Variants in KANK2 observed in about 807,000 individuals in gnomAD.
The protein encoded by KANK2 is KN motif and ankyrin repeat domains 2.
A neutral mutation model predicts 74.6 loss-of-function variants in KANK2; 41 were observed. That is an observed-to-expected ratio of 0.55 (90% CI 0.43 to 0.71). The LOEUF is 0.71. KANK2 is among the 30% of genes least tolerant of loss of function. The probability of loss-of-function intolerance (pLI) is 0.00; values close to 1 mark genes in which losing one functional copy is unlikely to be tolerated. For missense variants in KANK2, 1,148 were observed against 1,196.4 expected, an observed-to-expected ratio of 0.96 and a Z score of 0.60; for synonymous variants, 537 against 519.0, an observed-to-expected ratio of 1.03 and a Z score of -0.47.
At chr19:11,167,226 C>T (rs921244265) in intron 12 of KANK2, among the ~76,000 whole-genome samples, 7 of 151,964 alleles carry the variant, frequency 4.6e-5, no homozygotes, top group African/African-American at 7.3e-5. Context: ...CCACCACGCC[C>T]GGCTAATTTT....
rs776628507 is a variant in KANK2, at chr19:11,194,008, A to G, written c.72T>C (p.Pro24=). The G allele has an allele frequency of 3.7e-6, 6 of 1,611,694 alleles. No individual in the cohort carries two copies. The Admixed American group carries it at 8.4e-5, about 22-fold the overall frequency. The change falls in exon 4 of 13, where the codon CCT becomes CCC. Residue 24 remains proline (P), a synonymous_variant. Coordinates refer to ENST00000586659, the MANE Select transcript of KANK2 (RefSeq NM_001136191.3). ...TPGPASPPAF[P]AKDPDPPYSV... ...AGTAGGGTGGATCGGGGTCCTTGGC[A>G]GGGAAGGCAGGTGGGGAGGCTGGGC... is the stretch of plus-strand genomic sequence containing the variant.
rs1217915971 is a variant in KANK2 at position 11,195,776 on chromosome 19, CCT to C, written c.-236_-235del. The C allele has an allele frequency of 1.3e-5, 2 of 152,308 alleles. No individual in the cohort carries two copies. Among genetic ancestry groups the C allele is most frequent in the African/African-American group, 2.4e-5 (1 of 41,428 alleles). The allele number at this position is 152,308 out of a possible 1,614,324, so 9.4% of individuals were successfully genotyped here. ...CTGCGTCTCTCTCCGTGTCTCTCTC[CCT>C]GTCTTTCCACGTCTCTGTCTTCGCT... On this transcript the variant is annotated 5_prime_UTR_variant, in exon 2 of 13. Coordinates refer to ENST00000586659, the MANE Select transcript of KANK2 (RefSeq NM_001136191.3).
intron 4 of KANK2, chr19:11,192,405 G>A (rs984042769): frequency 1.3e-4 from 35 of 266,538 alleles, no homozygotes; most frequent in Admixed American, 4.0e-4. Context: ...GTGGAAGGTC[G>A]GGGGCTGGGG....
At chr19:11,173,322 C>T (rs2078232948) in intron 9 of KANK2, among the ~76,000 whole-genome samples, 199 bp from the exon 10 acceptor site, 1 of 152,180 alleles carries the variant, frequency 6.6e-6, no homozygotes, top group Non-Finnish European at 1.5e-5. Context: ...CCTCCTCCAT[C>T]AGATTTGGGG....
At chr19:11,182,965 G>A (rs1171366970) in intron 4 of KANK2, among the ~76,000 whole-genome samples, 3 of 151,964 alleles carry the variant, frequency 2.0e-5, no homozygotes, top group Admixed American at 6.6e-5. Flanking sequence ...TCCAGTCTAA[G>A]GAATTGAAGG....
intron 4 of KANK2, among the ~76,000 whole-genome samples, chr19:11,183,974 A>C (rs2078603022): frequency 6.6e-6 from 1 of 152,138 alleles, no homozygotes; most frequent in African/African-American, 2.4e-5. Flanking sequence ...TTCCCACCAA[A>C]GTGTTGAGAT....
In KANK2 at chr19:11,194,401, A is replaced by T; in HGVS notation, c.37+74T>A. The stretch of plus-strand genomic sequence containing the variant: ...GTCCCACCCTCAAAGTCCCCAGGGC[A>T]AGGTCCCCAGCCCCCTCAGGCCTCC... On this transcript the variant is annotated intron_variant, in intron 3 of 12. Transcript: ENST00000586659. The T allele has an allele frequency of 2.4e-6, 3 of 1,229,446 alleles. No individual in the cohort carries two copies. The South Asian group carries it at 3.6e-5, about 15-fold the overall frequency. The allele number at this position is 1,229,446 out of a possible 1,614,324, so 76.2% of individuals were successfully genotyped here. A position where few individuals can be genotyped will look rare whatever the true frequency, so the allele number is the denominator to read the frequency against.
At position 11,169,909 on chromosome 19, in the gene KANK2, T is replaced by A; in HGVS notation, c.2470A>T (p.Met824Leu). The A allele has an allele frequency of 6.2e-7, 1 of 1,614,208 alleles. No homozygotes were observed. The highest frequency in any genetic ancestry group is 8.5e-7 in the Non-Finnish European group (1 of 1,180,036). ...LDAGQSEIAS[M>L]LYSRMNIKCS... ...TTGATGTTCATGCGGGAATACAGCA[T>A]GGACGCAATCTCACTCTGCCCTGCG... Residue 824 changes from methionine (M) to leucine (L), a missense_variant, in exon 12 of 13, where the codon ATG becomes TTG. Physicochemically the swap from Met to Leu is conservative, Grantham distance 15. Coordinates refer to ENST00000586659, the MANE Select transcript of KANK2 (RefSeq NM_001136191.3).
At chr19:11,186,687 G>A (rs981145330) in intron 4 of KANK2, among the ~76,000 whole-genome samples, 4 of 151,840 alleles carry the variant, frequency 2.6e-5, no homozygotes, top group African/African-American at 7.3e-5. Flanking sequence ...CAACAGGAGT[G>A]AAACTCTGTC....
At chr19:11,172,816 C>T (rs2078214773) in intron 10 of KANK2, among the ~76,000 whole-genome samples, 165 bp downstream of exon 10, 2 of 152,172 alleles carry the variant, frequency 1.3e-5, no homozygotes, top group Non-Finnish European at 2.9e-5. Context: ...CCCTCATATC[C>T]TCTACTCCTT....
At chr19:11,195,587 T>C (rs2078994547) in intron 2 of KANK2, 35 bp downstream of exon 2, 1 of 152,592 alleles carries the variant, frequency 6.6e-6, no homozygotes, top group Non-Finnish European at 1.5e-5. Flanking sequence ...GGGCACCTGC[T>C]GGGCATGAAG....
In KANK2 at chr19:11,164,406, T is replaced by G. The variant is rs189387426; in HGVS notation, c.*2152A>C. 2 of 152,102 alleles carry G rather than the reference T, an allele frequency of 1.3e-5. No individual in the cohort carries two copies. The allele number at this position is 152,102 out of a possible 1,614,324, so 9.4% of individuals were successfully genotyped here. A position where few individuals can be genotyped will look rare whatever the true frequency, so the allele number is the denominator to read the frequency against. On this transcript the variant is annotated 3_prime_UTR_variant, in exon 13 of 13. Transcript: ENST00000586659. ...AAAGTGAAATTAAAGCTCATGGATA[T>G]GCGTGAGAAGAGAATGGGCGCAGAG...
chr19:11,187,106 A>G (rs1329675221), intron 4 of KANK2, among the ~76,000 whole-genome samples: 1 of 151,290 alleles, frequency 6.6e-6, no homozygotes, highest in Non-Finnish European at 1.5e-5. Context: ...AAATACAAAA[A>G]TTAGCCAGGC....
At chr19:11,192,323 G>A (rs1270519257) in intron 4 of KANK2, 1 of 173,154 alleles carries the variant, frequency 5.8e-6, no homozygotes, top group Non-Finnish European at 1.2e-5. Flanking sequence ...CAGCCCTGAG[G>A]GTTGGCTGCA....
At chr19:11,174,415 TGGGCATGGCGGACAGCTGG>T (rs2078269608) in intron 9 of KANK2, 39 bp downstream of exon 9, 2 of 1,381,680 alleles carry the variant, frequency 1.4e-6, no homozygotes, top group Non-Finnish European at 2.0e-6. Context: ...CCTATCAGAC[TGGGCATGGCGGACAGCTGG>T]CTGGTTTAGA....
chr19:11,193,227 GGGCAGCCTCCCCATCA>G lies in KANK2; in HGVS notation c.837_852del (p.Asp280SerfsTer49). Reference sequence around the variant, plus strand: ...TCCAGCACAGCGACCTTGGCGGCGAGGGCAGCCTCCCCATCAGGCATGCCCAAGTCCCGTTCTCGAA... The same window carrying G: ...TCCAGCACAGCGACCTTGGCGGCGAGGGCATGCCCAAGTCCCGTTCTCGAA... On this transcript the variant is annotated frameshift_variant, in exon 4 of 13. Transcript: ENST00000586659. LOFTEE classifies it high-confidence loss of function. This position sits in a 1 kb window ranked among gnomAD's most constrained non-coding sequence, Gnocchi z 9.6. 1 of 1,609,728 alleles carries G rather than the reference GGGCAGCCTCCCCATCA, an allele frequency of 6.2e-7. No homozygotes were observed. Among genetic ancestry groups the G allele is most frequent in the Non-Finnish European group, 8.5e-7 (1 of 1,179,876 alleles).
Position 11,193,523 on chromosome 19 carries a change from G to C in KANK2, c.557C>G (p.Ala186Gly). The change falls in exon 4 of 13, where the codon GCC becomes GGC. Residue 186 changes from alanine (A) to glycine (G), a missense_variant. By Grantham distance (60) the Ala-to-Gly change is moderately conservative. Coordinates refer to ENST00000586659, the MANE Select transcript of KANK2 (RefSeq NM_001136191.3). This position sits in a 1 kb window ranked among gnomAD's most constrained non-coding sequence, Gnocchi z 9.6. The part of the protein sequence containing the change: ...TPVPPSAGHL[A>G]HVREQMAGAL... ...ACCCGCCATCTGCTCCCGCACGTGG[G>C]CCAGGTGCCCGGCACTGGGAGGCAC... 6.2e-7 allele frequency: 1 copy of C among 1,607,744 alleles called. No homozygotes were observed. The highest frequency in any genetic ancestry group is 8.5e-7 in the Non-Finnish European group (1 of 1,179,664).
rs1255876261 is a variant in KANK2, at chr19:11,176,131, T to A, written c.1761-142A>T. 2.1e-5 allele frequency: 13 copies of A among 613,950 alleles called. No homozygotes were observed. In the East Asian group the frequency reaches 3.2e-4, roughly 15 times the overall value. The allele number at this position is 613,950 out of a possible 1,614,324, so 38.0% of individuals were successfully genotyped here. On this transcript the variant is annotated intron_variant, in intron 7 of 12. Transcript: ENST00000586659. ...GACCCTCCTTCACCCGGGACACACA[T>A]TTACATTGCACCCCAAGGGGCAGCT... is the stretch of plus-strand genomic sequence containing the variant.
intron 4 of KANK2, among the ~76,000 whole-genome samples, chr19:11,190,063 G>A (rs2078796786): frequency 6.6e-6 from 1 of 152,198 alleles, no homozygotes. Flanking sequence ...ATTTGAGGCT[G>A]GGATGAGAAC....
Sources: allele counts gnomAD v4.1 joint callset (sites outside exome capture counted in the v4.1 genomes callset), GRCh38; gene constraint gnomAD v4.1.1; non-coding constraint Gnocchi (gnomAD v3.1); transcripts MANE v1.5; gene names NCBI Gene and HGNC (gene_info 2026-07-23, HGNC 2026-07-21).